The following PCDHA9 variants were observed in gnomAD, a reference collection of about 807,000 sequenced individuals.
The protein encoded by PCDHA9 is protocadherin alpha 9.
A neutral mutation model predicts 62.0 loss-of-function variants in PCDHA9; 62 were observed. The ratio of observed to expected loss-of-function variants is 1.00; its 90% confidence interval spans 0.81 to 1.23. The LOEUF (loss-of-function observed/expected upper bound fraction) is 1.23, where lower values mean the gene tolerates loss of function less well. PCDHA9 is among the 50% of genes most tolerant of loss of function. The pLI is 0.00. For synonymous variants in PCDHA9, 557 were observed against 567.6 expected, an observed-to-expected ratio of 0.98 and a Z score of 0.27; for missense variants, 1,205 against 1,249.8, an observed-to-expected ratio of 0.96 and a Z score of 0.54.
intron 1 of PCDHA9, among the ~76,000 whole-genome samples, chr5:140,938,625 T>G (rs2092136082): frequency 6.6e-6 from 1 of 152,220 alleles, no homozygotes; most frequent in African/African-American, 2.4e-5. Flanking sequence ...AAACTCAGGT[T>G]GCTTATGATG....
chr5:140,949,457 T>C (rs1369576515), intron 1 of PCDHA9, among the ~76,000 whole-genome samples: 1 of 151,872 alleles, frequency 6.6e-6, no homozygotes, highest in Non-Finnish European at 1.5e-5. Flanking sequence ...TCATGTAATT[T>C]GAAGCCCTGT....
At chr5:140,869,771 C>T (rs1554163429) in intron 1 of PCDHA9, 11 of 1,613,176 alleles carry the variant, frequency 6.8e-6, no homozygotes, top group Middle Eastern at 1.6e-4. Flanking sequence ...CCAGAGCTTA[C>T]TGGCACCGTT....
At chr5:141,007,869 T>C (rs2098349373) in intron 3 of PCDHA9, among the ~76,000 whole-genome samples, 1 of 152,262 alleles carries the variant, frequency 6.6e-6, no homozygotes, top group African/African-American at 2.4e-5. Flanking sequence ...TCTTTTCCTT[T>C]GTCTTACACT....
chr5:140,869,302 G>T lies in PCDHA9; in HGVS notation c.2394+18413G>T. ...GCTGGTGCAGCGCCTGTTCCGGGTGGCGTCCAAAACACATGGGGACCTTCT... is the reference window on the plus strand; with the variant it reads ...GCTGGTGCAGCGCCTGTTCCGGGTGTCGTCCAAAACACATGGGGACCTTCT... On this transcript the variant is annotated intron_variant, in intron 1 of 3. Coordinates refer to ENST00000532602, the MANE Select transcript of PCDHA9 (RefSeq NM_031857.2). The T allele has an allele frequency of 6.2e-7, 1 of 1,613,642 alleles. No homozygotes were observed. Among genetic ancestry groups the T allele is most frequent in the Non-Finnish European group, 8.5e-7 (1 of 1,179,984 alleles).
intron 1 of PCDHA9, chr5:140,853,614 A>G (rs1477333407): frequency 1.0e-6 from 1 of 988,026 alleles, no homozygotes; most frequent in Non-Finnish European, 1.2e-6. Flanking sequence ...GGGTGCTGTA[A>G]ATAAGTATAC....
chr5:140,870,935 A>C, intron 1 of PCDHA9: 2 of 1,613,778 alleles, frequency 1.2e-6, no homozygotes, highest in African/African-American at 2.7e-5. Context: ...TATGAATTGC[A>C]GCCGGCGGCG....
At chr5:140,870,021 TTTAGA>T (rs782664085) in intron 1 of PCDHA9, 39 of 1,613,464 alleles carry the variant, frequency 2.4e-5, no homozygotes, top group Non-Finnish European at 3.1e-5. Flanking sequence ...TCAATGGAAC[TTTAGA>T]TTATGAAGAA....
rs782631166 is a variant in PCDHA9, at chr5:140,857,398, C to T, written c.2394+6509C>T. 1.3e-5 allele frequency: 21 copies of T among 1,598,542 alleles called. 2 individuals are homozygous for T. Among genetic ancestry groups the T allele is most frequent in the African/African-American group, 2.7e-5 (2 of 74,494 alleles). ...TGGAGGTGGCCGACGTGAACGACAA[C>T]GCGCCTGCGTTCGCGCAGTCCGAGT... On this transcript the variant is annotated intron_variant, in intron 1 of 3. Coordinates refer to ENST00000532602, the MANE Select transcript of PCDHA9 (RefSeq NM_031857.2).
At chr5:141,006,745 T>C (rs1554260891) in intron 3 of PCDHA9, among the ~76,000 whole-genome samples, 1 of 152,144 alleles carries the variant, frequency 6.6e-6, no homozygotes, top group Non-Finnish European at 1.5e-5. Flanking sequence ...TGATGTATTA[T>C]AAATGGAGAA....
intron 1 of PCDHA9, among the ~76,000 whole-genome samples, chr5:140,973,587 C>T (rs2096594455): frequency 6.6e-6 from 1 of 152,194 alleles, no homozygotes; most frequent in African/African-American, 2.4e-5. Flanking sequence ...ACTGCTGAGC[C>T]AGATGGAATT....
At chr5:140,875,372 T>C in intron 1 of PCDHA9, 5 of 1,451,920 alleles carry the variant, frequency 3.4e-6, no homozygotes, top group Non-Finnish European at 4.5e-6. Flanking sequence ...AAAAATTTAC[T>C]AAATATGTAC....
chr5:140,979,241 G>A (rs766062040), intron 2 of PCDHA9, among the ~76,000 whole-genome samples: 4 of 152,150 alleles, frequency 2.6e-5, no homozygotes, highest in Non-Finnish European at 5.9e-5. Context: ...CACAGAAACA[G>A]GCTGCTATGT....
At chr5:140,879,173 G>T (rs1010561937) in intron 1 of PCDHA9, among the ~76,000 whole-genome samples, 2 of 152,160 alleles carry the variant, frequency 1.3e-5, no homozygotes, top group South Asian at 2.1e-4. Context: ...AATAAATTAG[G>T]TATCAAGTAA....
At chr5:141,007,402 A>G in intron 3 of PCDHA9, among the ~76,000 whole-genome samples, 2 of 149,740 alleles carry the variant, frequency 1.3e-5, no homozygotes. Context: ...ATACAAAAAA[A>G]AAAAAAAAAA....
At chr5:140,861,738 T>C (rs1554155173) in intron 1 of PCDHA9, 1 of 160,806 alleles carries the variant, frequency 6.2e-6, no homozygotes, top group African/African-American at 2.5e-5. Context: ...ACTTACATAC[T>C]GTGCCGCAAT....
chr5:140,850,381 G>C lies in PCDHA9; in HGVS notation c.1886G>C (p.Gly629Ala), dbSNP rs2041568642. The C allele has an allele frequency of 2.5e-6, 4 of 1,597,894 alleles. No homozygotes were observed. Among genetic ancestry groups the C allele is most frequent in the Non-Finnish European group, 3.4e-6 (4 of 1,167,670 alleles). ...CCGTTCCGCGTGGGGCTGTACACGGGCGAGATCAGCACAACGCGTGCCCTG... is the reference window on the plus strand; with the variant it reads ...CCGTTCCGCGTGGGGCTGTACACGGCCGAGATCAGCACAACGCGTGCCCTG... ...SIPFRVGLYT[G>A]EISTTRALDE... The change falls in exon 1 of 4, where the codon GGC (glycine) becomes GCC (alanine). Residue 629 changes from glycine (G) to alanine (A), a missense_variant. Around this residue, in one of 3 missense-constraint regions of PCDHA9, gnomAD observed 887 missense variants for 809.5 expected, o/e 1.10. Transcript: ENST00000532602.
chr5:140,966,938 G>T, intron 1 of PCDHA9: 1 of 1,604,146 alleles, frequency 6.2e-7, no homozygotes, highest in African/African-American at 1.3e-5. Flanking sequence ...CGGCGCGCTC[G>T]TGGGCAACGT....
In PCDHA9 at chr5:140,849,752, C is replaced by T; in HGVS notation, c.1257C>T (p.Ser419=). Residue 419 remains serine, a synonymous_variant, in exon 1 of 4, where the codon TCC becomes TCT. Coordinates refer to ENST00000532602, the MANE Select transcript of PCDHA9 (RefSeq NM_031857.2). ...GAGCTCTGGACCGCGAGAGTGTGTC[C>T]GCCTACGAGCTGGTGGTTACCGCGC... ...LDRALDRESV[S]AYELVVTARD... 6.3e-7 allele frequency: 1 copy of T among 1,598,394 alleles called. No individual in the cohort carries two copies.
intron 1 of PCDHA9, among the ~76,000 whole-genome samples, chr5:140,935,894 C>CTT (rs55841305): frequency 0.3 from 41,439 of 136,538 alleles, 6,640 homozygotes; most frequent in East Asian, 0.49. Context: ...TCAATATTAT[C>CTT]TTTTTTTTTT....
Sources: gnomAD v4.1 joint callset for allele counts (sites outside exome capture counted in the v4.1 genomes callset) on GRCh38, gnomAD v4.1.1 for gene constraint, gnomAD v4.1.1 regional missense constraint, MANE v1.5 for transcripts, NCBI Gene and HGNC (gene_info 2026-07-23, HGNC 2026-07-21) for gene names.